Variants in FBP2 observed in about 807,000 individuals in gnomAD.
FBP2 encodes fructose-1,6-bisphosphatase isozyme 2.
A neutral mutation model predicts 31.6 loss-of-function variants in FBP2; 27 were observed. The ratio of observed to expected loss-of-function variants is 0.85; its 90% CI spans 0.63 to 1.18. The LOEUF (loss-of-function observed/expected upper bound fraction) is 1.18, where lower values mean the gene tolerates loss of function less well. Ranked by LOEUF, FBP2 falls within the 50% of genes most tolerant of loss-of-function variation. The pLI is 0.00. For synonymous variants in FBP2, 168 were observed against 179.8 expected (o/e 0.93, Z 0.53); for missense variants, 421 against 436.1 (o/e 0.97, Z 0.31).
intron 3 of FBP2, among the ~76,000 whole-genome samples, chr9:94,572,045 A>AG (rs1827275406): frequency 1.3e-5 from 2 of 152,078 alleles, no homozygotes; most frequent in African/African-American, 4.8e-5. Flanking sequence ...AAACCACCTA[A>AG]GATTAACAAC....
chr9:94,571,288 G>A (rs1411048609), intron 4 of FBP2, among the ~76,000 whole-genome samples, 174 bp downstream of exon 4: 3 of 152,178 alleles, frequency 2.0e-5, no homozygotes, highest in African/African-American at 7.2e-5. Flanking sequence ...CACTGGGACA[G>A]AGGCCCTTCA....
chr9:94,573,311 T>C (rs534754683), intron 3 of FBP2, among the ~76,000 whole-genome samples: 72 of 152,290 alleles, frequency 4.7e-4, no homozygotes, highest in African/African-American at 1.7e-3. Flanking sequence ...CAGGGTGGAG[T>C]GCAGTGGCTT....
intron 4 of FBP2, chr9:94,568,330 C>G (rs558163370): frequency 6.6e-6 from 1 of 152,158 alleles, no homozygotes; most frequent in South Asian, 2.1e-4. Flanking sequence ...GTGCCCAGTC[C>G]CTCTCCACAA....
In FBP2 at chr9:94,587,485, G is replaced by A. The variant is rs1342143527; in HGVS notation, c.171-16C>T. The A allele has an allele frequency of 6.2e-7, 1 of 1,613,454 alleles. No homozygotes were observed. Among genetic ancestry groups the A allele is most frequent in the Non-Finnish European group, 8.5e-7 (1 of 1,179,770 alleles). On this transcript the variant is annotated splice_polypyrimidine_tract_variant and intron_variant, in intron 1 of 6. Coordinates refer to ENST00000375337, the MANE Select transcript of FBP2 (RefSeq NM_003837.4). Reference sequence around the variant, plus strand: ...GATTCCATACCTGAGAAGACAAAAGGCTGAATGAGGAAGTCACTAGGGGGT... The same window carrying A: ...GATTCCATACCTGAGAAGACAAAAGACTGAATGAGGAAGTCACTAGGGGGT...
At chr9:94,566,908 AATT>A (rs1363042941) in intron 5 of FBP2, among the ~76,000 whole-genome samples, 1 of 152,128 alleles carries the variant, frequency 6.6e-6, no homozygotes, top group Admixed American at 6.6e-5. Context: ...CCTCTCATAT[AATT>A]ATTTATTCTA....
chr9:94,587,099 C>T (rs918763663), intron 2 of FBP2, among the ~76,000 whole-genome samples: 18 of 152,224 alleles, frequency 1.2e-4, no homozygotes, highest in Admixed American at 1.3e-4. Flanking sequence ...TGAACAATTT[C>T]CTGAATGAAT....
intron 2 of FBP2, among the ~76,000 whole-genome samples, chr9:94,586,026 G>A (rs1460580186): frequency 6.6e-6 from 1 of 152,100 alleles, no homozygotes; most frequent in East Asian, 1.9e-4. Flanking sequence ...GAGCCACCGC[G>A]CCCATCCTAG....
At position 94,571,360 on chromosome 9, in the gene FBP2, C is replaced by T. The variant is rs903193430; in HGVS notation, c.567+102G>A. On this transcript the variant is annotated intron_variant, in intron 4 of 6. Coordinates refer to ENST00000375337, the MANE Select transcript of FBP2 (RefSeq NM_003837.4). ...CTCTCAGGACCCCTGGTCCCCAAAA[C>T]AAGTATTAGGAATAACCAGGACATT... is the stretch of plus-strand genomic sequence containing the variant. 2.4e-6 allele frequency: 3 copies of T among 1,248,742 alleles called. No homozygotes were observed. In the Admixed American group the frequency reaches 8.4e-5, roughly 35 times the overall value. 77.4% of individuals were successfully genotyped at this position (1,248,742 alleles called of 1,614,324 possible).
At chr9:94,585,372 G>T (rs1398283120) in intron 2 of FBP2, among the ~76,000 whole-genome samples, 1 of 152,208 alleles carries the variant, frequency 6.6e-6, no homozygotes, top group Admixed American at 6.5e-5. Flanking sequence ...AGGCCCTGGG[G>T]TTTGTTTCCG....
At position 94,559,083 on chromosome 9, in the gene FBP2, G is replaced by A. The variant is rs144554592; in HGVS notation, c.875C>T (p.Ala292Val). 1.2e-6 allele frequency: 2 copies of A among 1,613,894 alleles called. No individual in the cohort carries two copies. The highest frequency in any genetic ancestry group is 1.3e-5 in the African/African-American group (1 of 74,914). Reference sequence around the variant, plus strand: ...GGTCCCCGTGGTCGCCAAGCCTCCTGCCTGCTCAATGATGTAGGCCACGGG... The same window carrying A: ...GGTCCCCGTGGTCGCCAAGCCTCCTACCTGCTCAATGATGTAGGCCACGGG... ...CNPVAYIIEQ[A>V]GGLATTGTQP... Residue 292 changes from alanine to valine, a missense_variant, in exon 7 of 7, where the codon GCA (alanine) becomes GTA (valine). Transcript: ENST00000375337.
At chr9:94,591,206 C>T (rs1319934947) in intron 1 of FBP2, among the ~76,000 whole-genome samples, 1 of 152,216 alleles carries the variant, frequency 6.6e-6, no homozygotes, top group African/African-American at 2.4e-5. Flanking sequence ...TGGCGCTCGT[C>T]GGGGAGGCTC....
At chr9:94,576,904 G>C (rs1343022906) in intron 3 of FBP2, among the ~76,000 whole-genome samples, 1 of 152,076 alleles carries the variant, frequency 6.6e-6, no homozygotes, top group Non-Finnish European at 1.5e-5. Context: ...CTGGGGTTGG[G>C]GGGGCATTGG....
At position 94,561,751 on chromosome 9, in the gene FBP2, G is replaced by C. The variant is rs1368296921; in HGVS notation, c.825+1591C>G. On this transcript the variant is annotated intron_variant, in intron 6 of 6. Coordinates refer to ENST00000375337, the MANE Select transcript of FBP2 (RefSeq NM_003837.4). ...ATAGGAGTGTGCACATGCACACACA[G>C]ACACACACACACAGAGAGACGTCGG... 2.0e-5 allele frequency among the ~76,000 whole-genome samples: 3 copies of C among 152,002 alleles called. No individual in the cohort carries two copies. In the East Asian group the frequency reaches 5.8e-4, roughly 29 times the overall value.
chr9:94,589,253 C>T (rs554270808), intron 1 of FBP2, among the ~76,000 whole-genome samples: 37 of 152,298 alleles, frequency 2.4e-4, no homozygotes, highest in Middle Eastern at 6.8e-3. Context: ...GTCCCTGGGC[C>T]AGCACCCAGC....
At chr9:94,589,267 C>A (rs79813405) in intron 1 of FBP2, among the ~76,000 whole-genome samples, 1 of 152,262 alleles carries the variant, frequency 6.6e-6, no homozygotes, top group South Asian at 2.1e-4. Flanking sequence ...ACCCAGCAAG[C>A]GGCTCTGGTC....
intron 1 of FBP2, among the ~76,000 whole-genome samples, chr9:94,590,476 T>C (rs1587847139): frequency 6.6e-6 from 1 of 151,734 alleles, no homozygotes; most frequent in Non-Finnish European, 1.5e-5. Context: ...GTGTCCGGAA[T>C]TGGTAGGTTC....
chr9:94,565,092 G>A (rs1349941869), intron 5 of FBP2, among the ~76,000 whole-genome samples: 1 of 151,972 alleles, frequency 6.6e-6, no homozygotes, highest in African/African-American at 2.4e-5. Flanking sequence ...TAAAACAATG[G>A]GTCTGGCATG....
intron 3 of FBP2, among the ~76,000 whole-genome samples, chr9:94,578,375 C>T (rs577240645): frequency 1.3e-5 from 2 of 152,168 alleles, no homozygotes; most frequent in South Asian, 4.1e-4. Context: ...TAATGACTAA[C>T]TTTGTATAAT....
chr9:94,566,784 G>C (rs1372167887), intron 5 of FBP2, among the ~76,000 whole-genome samples: 1 of 152,210 alleles, frequency 6.6e-6, no homozygotes, highest in African/African-American at 2.4e-5. Flanking sequence ...TAAAGGGTTG[G>C]TATGAAGCCT....
Sources: allele counts gnomAD v4.1 joint callset (sites outside exome capture counted in the v4.1 genomes callset), GRCh38; gene constraint gnomAD v4.1.1; transcripts MANE v1.5; gene names NCBI Gene and HGNC (gene_info 2026-07-23, HGNC 2026-07-21).